The following UNC5C variants were observed in gnomAD, a reference collection of about 807,000 sequenced individuals.
UNC5C encodes the protein netrin receptor UNC5C.
Under a neutral mutation model 99.8 loss-of-function variants are expected in UNC5C, and 47 were observed. The ratio of observed to expected loss-of-function variants is 0.47; its 90% CI spans 0.37 to 0.60. UNC5C has a LOEUF of 0.60. Among genes scored for constraint, UNC5C ranks in the 20% least tolerant of loss-of-function variants. The pLI is 0.00. For missense variants in UNC5C, 1,062 were observed against 1,165.9 expected (o/e 0.91, Z 1.30); for synonymous variants, 487 against 452.2 (o/e 1.08, Z -0.98).
intron 3 of UNC5C, among the ~76,000 whole-genome samples, chr4:95,285,984 A>G (rs77243027): frequency 0.012 from 1,897 of 152,264 alleles, 42 homozygotes; most frequent in African/African-American, 0.043. Context: ...GACCTTAAGC[A>G]CATTGCTTAA....
At chr4:95,500,663 A>G (rs1006358698) in intron 1 of UNC5C, among the ~76,000 whole-genome samples, 18 of 152,174 alleles carry the variant, frequency 1.2e-4, no homozygotes, top group Non-Finnish European at 2.1e-4. Context: ...CTATTAGTCT[A>G]CTAGGAACAT....
intron 2 of UNC5C, among the ~76,000 whole-genome samples, chr4:95,323,961 G>A (rs2621440): frequency 0.14 from 21,351 of 151,966 alleles, 1,902 homozygotes; most frequent in Admixed American, 0.19. Flanking sequence ...GCTTGAACCC[G>A]GGAGGCGGAG....
chr4:95,333,315 C>G (rs1743197727), intron 2 of UNC5C, among the ~76,000 whole-genome samples: 1 of 152,100 alleles, frequency 6.6e-6, no homozygotes, highest in Admixed American at 6.6e-5. Context: ...AGACTTGGAA[C>G]CAACCCAAAT....
At chr4:95,543,121 C>G (rs889849780) in intron 1 of UNC5C, among the ~76,000 whole-genome samples, 2 of 152,028 alleles carry the variant, frequency 1.3e-5, no homozygotes, top group African/African-American at 2.4e-5. Flanking sequence ...ATGTAGCCCT[C>G]CTCCACAAAT....
At chr4:95,232,097 C>T (rs1218451857) in intron 7 of UNC5C, among the ~76,000 whole-genome samples, 2 of 152,068 alleles carry the variant, frequency 1.3e-5, no homozygotes, top group South Asian at 2.1e-4. Flanking sequence ...TCATGATTCA[C>T]AGTAGGTGAA....
intron 4 of UNC5C, among the ~76,000 whole-genome samples, chr4:95,256,328 G>A (rs1579272387): frequency 6.6e-6 from 1 of 152,046 alleles, no homozygotes; most frequent in Non-Finnish European, 1.5e-5. Context: ...CTCCTGAACC[G>A]CCTTTCCAAA....
At chr4:95,188,729 ACAGTT>A (rs1488243287) in intron 12 of UNC5C, among the ~76,000 whole-genome samples, 2 of 152,226 alleles carry the variant, frequency 1.3e-5, no homozygotes, top group Non-Finnish European at 2.9e-5. Flanking sequence ...ACATGGCTTT[ACAGTT>A]CAATGTTTTC....
chr4:95,182,395 C>T (rs377440125), intron 14 of UNC5C, among the ~76,000 whole-genome samples: 2 of 152,224 alleles, frequency 1.3e-5, no homozygotes. Context: ...TTTCTCCTTT[C>T]TTCCTTTGAA....
intron 1 of UNC5C, among the ~76,000 whole-genome samples, chr4:95,507,006 T>C (rs1440113671): frequency 6.6e-6 from 1 of 151,804 alleles, no homozygotes; most frequent in Non-Finnish European, 1.5e-5. Context: ...ACATATACAC[T>C]AAATGACTAG....
chr4:95,304,454 TACTCA>T (rs1387980591), intron 2 of UNC5C, among the ~76,000 whole-genome samples: 3 of 152,298 alleles, frequency 2.0e-5, no homozygotes, highest in South Asian at 2.1e-4. Flanking sequence ...TCCTGGTCCC[TACTCA>T]GGCCTCTCAT....
intron 7 of UNC5C, among the ~76,000 whole-genome samples, chr4:95,223,686 T>C (rs1738561991): frequency 6.6e-6 from 1 of 152,194 alleles, no homozygotes; most frequent in Admixed American, 6.5e-5. Context: ...GTCCATGTAT[T>C]AGGTTTGATT....
chr4:95,190,867 T>A (rs1737057926), intron 12 of UNC5C, among the ~76,000 whole-genome samples: 2 of 152,150 alleles, frequency 1.3e-5, no homozygotes, highest in Non-Finnish European at 2.9e-5. Context: ...GAGGGCTATA[T>A]TGATTCAGGG....
In UNC5C at chr4:95,391,777, A is replaced by G. The variant is rs900882179; in HGVS notation, c.125-56146T>C. The stretch of plus-strand genomic sequence containing the variant: ...CATGGTAAAAAAAAAAAAAAAAAAA[A>G]GGCACTTTTAAAGAGAGGCCAAAGC... On this transcript the variant is annotated intron_variant, in intron 1 of 15. Transcript: ENST00000453304. Among the ~76,000 whole-genome samples the G allele has an allele frequency of 4.7e-5, 6 of 127,456 alleles. No individual in the cohort carries two copies. In the East Asian group the frequency reaches 6.1e-4, roughly 13 times the overall value. 83.6% of individuals were successfully genotyped at this position (127,456 alleles called of 152,430 possible). A position where few individuals can be genotyped will look rare whatever the true frequency, so the allele number is the denominator to read the frequency against.
At chr4:95,432,991 C>T (rs1746674139) in intron 1 of UNC5C, among the ~76,000 whole-genome samples, 1 of 152,092 alleles carries the variant, frequency 6.6e-6, no homozygotes, top group Non-Finnish European at 1.5e-5. Flanking sequence ...AACAATTGTT[C>T]TTTCTTTTAT....
intron 1 of UNC5C, among the ~76,000 whole-genome samples, chr4:95,540,046 A>T (rs1020588870): frequency 2.3e-4 from 35 of 152,268 alleles, no homozygotes; most frequent in African/African-American, 7.7e-4. Flanking sequence ...AATGACAACA[A>T]TTCTTAACGG....
intron 10 of UNC5C, 148 bp downstream of exon 10, chr4:95,215,976 C>T: frequency 1.8e-6 from 1 of 560,570 alleles, no homozygotes; most frequent in Non-Finnish European, 3.1e-6. Flanking sequence ...GAAGTAAAAC[C>T]TGACCTTTTG....
intron 2 of UNC5C, among the ~76,000 whole-genome samples, chr4:95,324,676 G>A (rs758819271): frequency 2.0e-5 from 3 of 152,144 alleles, no homozygotes; most frequent in Non-Finnish European, 4.4e-5. Context: ...GCCTCTGGAA[G>A]GTGACTAGGC....
intron 1 of UNC5C, among the ~76,000 whole-genome samples, chr4:95,391,757 TAAAAAA>T (rs61515733): frequency 2.4e-5 from 3 of 125,902 alleles, no homozygotes; most frequent in Non-Finnish European, 5.1e-5. Context: ...CCTTTCATGG[TAAAAAA>T]AAAAAAAAAA....
At chr4:95,480,290 T>C (rs1478731455) in intron 1 of UNC5C, among the ~76,000 whole-genome samples, 1 of 148,784 alleles carries the variant, frequency 6.7e-6, no homozygotes, top group Non-Finnish European at 1.5e-5. Context: ...TGTTTGTGTG[T>C]GTATATATAG....
Sources: gnomAD v4.1 joint callset for allele counts (sites outside exome capture counted in the v4.1 genomes callset) on GRCh38, gnomAD v4.1.1 for gene constraint, MANE v1.5 for transcripts, NCBI Gene and HGNC (gene_info 2026-07-23, HGNC 2026-07-21) for gene names.